The following GRID2IP variants were observed in gnomAD, a reference collection of about 807,000 sequenced individuals.
GRID2IP encodes delphilin.
GRID2IP carries 78 observed loss-of-function variants against 114.3 expected under a neutral mutation model. The ratio of observed to expected loss-of-function variants is 0.68; its 90% CI spans 0.57 to 0.82. The LOEUF (loss-of-function observed/expected upper bound fraction) is 0.82. Among genes scored for constraint, GRID2IP ranks in the 40% least tolerant of loss-of-function variants. The pLI, the probability that GRID2IP is intolerant of heterozygous loss-of-function variation, is 0.00. For synonymous variants in GRID2IP, 809 were observed against 724.0 expected, an observed-to-expected ratio of 1.12 and a Z score of -1.89; for missense variants, 1,727 against 1,678.5, an observed-to-expected ratio of 1.03 and a Z score of -0.51.
chr7:6,522,393 A>T (rs1779428659), intron 4 of GRID2IP, among the ~76,000 whole-genome samples: 1 of 152,180 alleles, frequency 6.6e-6, no homozygotes, highest in Non-Finnish European at 1.5e-5. Context: ...CTCAGGCAGC[A>T]TCAGTACTTC....
At chr7:6,524,614 G>A (rs1779473773) in intron 4 of GRID2IP, among the ~76,000 whole-genome samples, 1 of 152,090 alleles carries the variant, frequency 6.6e-6, no homozygotes, top group Non-Finnish European at 1.5e-5. Flanking sequence ...CCAACATTTA[G>A]GAGGCTGAGG....
chr7:6,511,096 C>T (rs1779142247), intron 8 of GRID2IP, 57 bp from the exon 9 acceptor site: 2 of 1,337,516 alleles, frequency 1.5e-6, no homozygotes, highest in South Asian at 3.9e-5. Context: ...GACAAGGGAC[C>T]TCCAAAACAG....
In GRID2IP at chr7:6,526,422, C is replaced by T; in HGVS notation, c.833+99G>A. On this transcript the variant is annotated intron_variant, in intron 3 of 21. Coordinates refer to ENST00000457091, the MANE Select transcript of GRID2IP (RefSeq NM_001145118.2). The surrounding 1 kb of genome is among the most constrained non-coding windows in gnomAD (Gnocchi z 7.6). Reference sequence around the variant, plus strand: ...AACCTCTCCGGCCCCCTATGCACCCCAGATGCCCAGCCCCGCCCCTACGCC... The same window carrying T: ...AACCTCTCCGGCCCCCTATGCACCCTAGATGCCCAGCCCCGCCCCTACGCC... 6.6e-7 allele frequency: 1 copy of T among 1,507,526 alleles called. No individual in the cohort carries two copies. Among genetic ancestry groups the T allele is most frequent in the Non-Finnish European group, 8.9e-7 (1 of 1,123,270 alleles). The allele number at this position is 1,507,526 out of a possible 1,614,324, so 93.4% of individuals were successfully genotyped here.
rs1043976458 is a variant in GRID2IP at position 6,521,597 on chromosome 7, G to A, written c.990-74C>T. The A allele has an allele frequency of 9.1e-7, 1 of 1,100,190 alleles. No homozygotes were observed. Among genetic ancestry groups the A allele is most frequent in the Non-Finnish European group, 1.3e-6 (1 of 766,066 alleles). The allele number at this position is 1,100,190 out of a possible 1,614,324, so 68.2% of individuals were successfully genotyped here. On this transcript the variant is annotated intron_variant, in intron 5 of 21. Coordinates refer to ENST00000457091, the MANE Select transcript of GRID2IP (RefSeq NM_001145118.2). This position sits in a 1 kb window ranked among gnomAD's most constrained non-coding sequence, Gnocchi z 4.1. ...CCACGGCCACCAGCCAGACCTCCCT[G>A]TCCTGCCCACAGAGGTCACACAGCA... is the stretch of plus-strand genomic sequence containing the variant.
chr7:6,515,267 G>C (rs1779272119), intron 7 of GRID2IP, among the ~76,000 whole-genome samples: 1 of 152,082 alleles, frequency 6.6e-6, no homozygotes, highest in South Asian at 2.1e-4. Context: ...TTCAAGACCA[G>C]TCTGGCCAAC....
intron 4 of GRID2IP, among the ~76,000 whole-genome samples, chr7:6,524,196 G>A (rs985382417): frequency 6.6e-6 from 1 of 152,170 alleles, no homozygotes; most frequent in African/African-American, 2.4e-5. Context: ...GGCTTCCTAT[G>A]ACAGGAAAGG....
chr7:6,509,540 C>T lies in GRID2IP; in HGVS notation c.1772-227G>A, dbSNP rs944027600. 2.0e-5 allele frequency among the ~76,000 whole-genome samples: 3 copies of T among 152,170 alleles called. 1 individual carries two copies. The East Asian group carries it at 5.8e-4, about 29-fold the overall frequency. On this transcript the variant is annotated intron_variant, in intron 11 of 21. Coordinates refer to ENST00000457091, the MANE Select transcript of GRID2IP (RefSeq NM_001145118.2). The surrounding 1 kb of genome is among the most constrained non-coding windows in gnomAD (Gnocchi z 4.9). ...GCTCGGCCTCAGGACAGGCTGGACG[C>T]CAGCTCACCTTGGAATGGTCACCAG...
chr7:6,503,373 C>T, intron 16 of GRID2IP, 118 bp downstream of exon 16: 4 of 1,124,144 alleles, frequency 3.6e-6, no homozygotes, highest in Non-Finnish European at 4.9e-6. Context: ...AACTGGGACT[C>T]AGAGGCTTGG....
Position 6,510,337 on chromosome 7 carries a change from T to A in GRID2IP, c.1717A>T (p.Thr573Ser). The A allele has an allele frequency of 6.5e-7, 1 of 1,547,484 alleles. No homozygotes were observed. Reference sequence around the variant, plus strand: ...GGGGAAGCCCGGGATTTGGACACGGTCCCCATCTTCCCTTTGAAGCTGCTG... The same window carrying A: ...GGGGAAGCCCGGGATTTGGACACGGACCCCATCTTCCCTTTGAAGCTGCTG... ...LNSSFKGKMG[T>S]VSKSRASPPG... The change falls in exon 11 of 22, where the codon ACC (threonine) becomes TCC (serine). Residue 573 changes from threonine (T) to serine (S), a missense_variant. Coordinates refer to ENST00000457091, the MANE Select transcript of GRID2IP (RefSeq NM_001145118.2).
At chr7:6,505,091 G>T (rs1786537950) in intron 14 of GRID2IP, among the ~76,000 whole-genome samples, 1 of 152,192 alleles carries the variant, frequency 6.6e-6, no homozygotes, top group African/African-American at 2.4e-5. Flanking sequence ...CGTGCTGCAG[G>T]AAGCCAGGTC....
Position 6,526,419 on chromosome 7 carries a change from C to A in GRID2IP, c.833+102G>T. 6 of 1,506,592 alleles carry A rather than the reference C, an allele frequency of 4.0e-6. No individual in the cohort carries two copies. Among genetic ancestry groups the A allele is most frequent in the Non-Finnish European group, 5.3e-6 (6 of 1,121,572 alleles). The allele number at this position is 1,506,592 out of a possible 1,614,324, so 93.3% of individuals were successfully genotyped here. A position where few individuals can be genotyped will look rare whatever the true frequency, so the allele number is the denominator to read the frequency against. ...CTTAACCTCTCCGGCCCCCTATGCACCCCAGATGCCCAGCCCCGCCCCTAC... is the reference window on the plus strand; with the variant it reads ...CTTAACCTCTCCGGCCCCCTATGCAACCCAGATGCCCAGCCCCGCCCCTAC... On this transcript the variant is annotated intron_variant, in intron 3 of 21. Transcript: ENST00000457091. This position sits in a 1 kb window ranked among gnomAD's most constrained non-coding sequence, Gnocchi z 7.6.
At chr7:6,538,043 G>A (rs1004761807) in intron 2 of GRID2IP, among the ~76,000 whole-genome samples, 4 of 151,952 alleles carry the variant, frequency 2.6e-5, no homozygotes, top group Non-Finnish European at 5.9e-5. Context: ...TTCCTCTAGT[G>A]TCTGCTGAGG....
Position 6,528,040 on chromosome 7 carries a change from G to A in GRID2IP, c.585-1271C>T, listed in dbSNP as rs1349806834. On this transcript the variant is annotated intron_variant, in intron 2 of 21. Coordinates refer to ENST00000457091, the MANE Select transcript of GRID2IP (RefSeq NM_001145118.2). The surrounding 1 kb of genome is among the most constrained non-coding windows in gnomAD (Gnocchi z 6.0). ...CCCAAAGTCCTGGGATTAGACGTGA[G>A]CCACTGTGCCCGGCATTTTTTTTTC... Among the ~76,000 whole-genome samples the A allele has an allele frequency of 6.6e-6, 1 of 152,034 alleles. No individual in the cohort carries two copies. Among genetic ancestry groups the A allele is most frequent in the East Asian group, 1.9e-4 (1 of 5,196 alleles).
Position 6,521,828 on chromosome 7 carries a change from G to C in GRID2IP, c.989+60C>G, listed in dbSNP as rs542023559. 1 of 1,299,242 alleles carries C rather than the reference G, an allele frequency of 7.7e-7. No homozygotes were observed. The highest frequency in any genetic ancestry group is 1.5e-5 in the African/African-American group (1 of 68,204). 80.5% of individuals were successfully genotyped at this position (1,299,242 alleles called of 1,614,324 possible). On this transcript the variant is annotated intron_variant, in intron 5 of 21. Coordinates refer to ENST00000457091, the MANE Select transcript of GRID2IP (RefSeq NM_001145118.2). This position sits in a 1 kb window ranked among gnomAD's most constrained non-coding sequence, Gnocchi z 4.1. ...AGCCTGGGTGCCCCAAGAGGCAGGA[G>C]TCTTGCAGGGGGTGGGGGCAGCTCC... is the stretch of plus-strand genomic sequence containing the variant.
At chr7:6,540,358 C>G (rs1457422171) in intron 1 of GRID2IP, among the ~76,000 whole-genome samples, 2 of 152,016 alleles carry the variant, frequency 1.3e-5, no homozygotes, top group Non-Finnish European at 2.9e-5. Flanking sequence ...GTGATCCGCC[C>G]GCCTCGGCCT....
chr7:6,503,881 T>C (rs1393732318), intron 15 of GRID2IP, among the ~76,000 whole-genome samples, 194 bp from the exon 16 acceptor site: 1 of 134,960 alleles, frequency 7.4e-6, no homozygotes, highest in East Asian at 2.2e-4. Flanking sequence ...GGCTCCCGAA[T>C]GGGGAGAGGA....
chr7:6,503,800 A>G (rs956607168), intron 15 of GRID2IP, 113 bp from the exon 16 acceptor site: 1 of 712,886 alleles, frequency 1.4e-6, no homozygotes, highest in Non-Finnish European at 2.2e-6. Flanking sequence ...GGCGGGGCCT[A>G]GGGGAGAGGA....
At chr7:6,511,889 C>T (rs1380797063) in intron 8 of GRID2IP, among the ~76,000 whole-genome samples, 2 of 151,674 alleles carry the variant, frequency 1.3e-5, no homozygotes. Flanking sequence ...TCTCTCTTTT[C>T]TCTCTCTCTG....
Position 6,539,766 on chromosome 7 carries a change from G to A in GRID2IP, c.536C>T (p.Thr179Ile). The A allele has an allele frequency of 6.5e-7, 1 of 1,550,328 alleles. No individual in the cohort carries two copies. The highest frequency in any genetic ancestry group is 8.7e-7 in the Non-Finnish European group (1 of 1,146,960). ...GCAGGCCTCTCGGGGCAGCGCCAGG[G>A]TGAGAGTCCACACCAGATCATCCAC... ...QRVDDLVWTL[T>I]LALPREACGP... The change falls in exon 2 of 22, where the codon ACC becomes ATC. Residue 179 changes from threonine to isoleucine, a missense_variant. Physicochemically the swap from Thr to Ile is moderately conservative, Grantham distance 89. Transcript: ENST00000457091.
Sources: gnomAD v4.1 joint callset for allele counts (sites outside exome capture counted in the v4.1 genomes callset) on GRCh38, gnomAD v4.1.1 for gene constraint, Gnocchi (gnomAD v3.1) non-coding constraint, MANE v1.5 for transcripts, NCBI Gene and HGNC (gene_info 2026-07-23, HGNC 2026-07-21) for gene names.